SMIM36: variants seen among roughly 807,000 people sequenced by gnomAD.
SMIM36 encodes the protein small integral membrane protein 36.
chr17:55,460,789 C>G (rs570503350), intron 4 of SMIM36, among the ~76,000 whole-genome samples: 1 of 152,002 alleles, frequency 6.6e-6, no homozygotes, highest in South Asian at 2.1e-4. Context: ...ACCCAGGAGG[C>G]GGAGCTTCCA....
At chr17:55,500,942 TATTATAATA>T in intron 1 of SMIM36, among the ~76,000 whole-genome samples, 1 of 21,590 alleles carries the variant, frequency 4.6e-5, no homozygotes, top group Admixed American at 7.6e-4. Context: ...TTATAATATA[TATTATAATA>T]TATTATATTT....
chr17:55,502,087 T>G (rs1158421720), intron 1 of SMIM36, among the ~76,000 whole-genome samples: 7 of 151,406 alleles, frequency 4.6e-5, no homozygotes, highest in South Asian at 4.2e-4. Flanking sequence ...CCACGGAATC[T>G]CGCTGATTGC....
chr17:55,464,054 G>T (rs1045742254), intron 4 of SMIM36, among the ~76,000 whole-genome samples: 5 of 151,868 alleles, frequency 3.3e-5, no homozygotes, highest in Non-Finnish European at 7.4e-5. Context: ...GGCAGAGGTT[G>T]CAGTGATCTG....
chr17:55,498,289 G>A lies in SMIM36; in HGVS notation c.*174+12590C>T, dbSNP rs115768759. 1.2e-3 allele frequency among the ~76,000 whole-genome samples: 181 copies of A among 152,252 alleles called. 1 individual carries two copies. The highest frequency in any genetic ancestry group is 4.3e-3 in the African/African-American group (177 of 41,554). Reference sequence around the variant, plus strand: ...ATTACATCCTGAGGTACAGGGTAAGGACTTCAACATATGAATTCTGGGGGG... The same window carrying A: ...ATTACATCCTGAGGTACAGGGTAAGAACTTCAACATATGAATTCTGGGGGG... On this transcript the variant is annotated intron_variant, in intron 1 of 4. Transcript: ENST00000636752.
the SMIM36 span, among the ~76,000 whole-genome samples, chr17:55,524,221 G>GC: frequency 6.6e-6 from 1 of 152,078 alleles, no homozygotes; most frequent in Admixed American, 6.6e-5. Flanking sequence ...ATGACCTCCA[G>GC]CCCCATCCAT....
intron 3 of SMIM36, among the ~76,000 whole-genome samples, chr17:55,473,901 C>T (rs543037296): frequency 2.0e-5 from 3 of 152,220 alleles, no homozygotes; most frequent in South Asian, 2.1e-4. Flanking sequence ...CAGCCCGGCG[C>T]GTCACCCTGG....
At chr17:55,500,865 A>T (rs1331468356) in intron 1 of SMIM36, among the ~76,000 whole-genome samples, 587 of 47,520 alleles carry the variant, frequency 0.012, 267 homozygotes, top group African/African-American at 0.11. Context: ...AATATATTAT[A>T]ATATATTATA....
chr17:55,486,799 AG>A (rs760287226), intron 1 of SMIM36, among the ~76,000 whole-genome samples: 23 of 152,258 alleles, frequency 1.5e-4, no homozygotes, highest in Non-Finnish European at 2.9e-4. Flanking sequence ...AAATGGAATC[AG>A]ACAAATGAAT....
At chr17:55,474,470 G>A (rs1811857330) in intron 3 of SMIM36, among the ~76,000 whole-genome samples, 1 of 152,212 alleles carries the variant, frequency 6.6e-6, no homozygotes, top group Admixed American at 6.5e-5. Flanking sequence ...GGAAGGAACT[G>A]GCACTTGGAG....
At chr17:55,501,890 A>AGCAGG (rs375941141) in intron 1 of SMIM36, among the ~76,000 whole-genome samples, 21,220 of 107,508 alleles carry the variant, frequency 0.2, 3,847 homozygotes, top group African/African-American at 0.49. Flanking sequence ...CGCGAGCCGA[A>AGCAGG]GCAAGGCATT....
chr17:55,512,795 T>G (rs946077197), upstream of SMIM36, among the ~76,000 whole-genome samples: 1 of 152,222 alleles, frequency 6.6e-6, no homozygotes, highest in African/African-American at 2.4e-5. Flanking sequence ...ATCAGTAGCC[T>G]TTTCTCCAAT....
the SMIM36 span, among the ~76,000 whole-genome samples, chr17:55,530,663 A>G: frequency 6.6e-6 from 1 of 152,054 alleles, no homozygotes; most frequent in East Asian, 1.9e-4. Context: ...GGCGCCTGTA[A>G]TCCCAGCTAC....
rs114717766 is a variant in SMIM36, at chr17:55,452,354, T to C, written c.*532-2056A>G. On this transcript the variant is annotated intron_variant, in intron 4 of 4. Transcript: ENST00000636752. The stretch of plus-strand genomic sequence containing the variant: ...AGTTGACTCCAGGCAGCAGTATGTG[T>C]GTATACACACAGTTTCGTGTATATA... Among the ~76,000 whole-genome samples, 1,256 of 152,308 alleles carry C rather than the reference T, an allele frequency of 8.2e-3. 16 individuals carry two copies. Among genetic ancestry groups the C allele is most frequent in the African/African-American group, 0.029 (1,190 of 41,562 alleles).
intron 3 of SMIM36, among the ~76,000 whole-genome samples, chr17:55,474,380 G>A (rs913308824): frequency 6.6e-6 from 1 of 152,160 alleles, no homozygotes; most frequent in African/African-American, 2.4e-5. Flanking sequence ...TCCCAGGTAG[G>A]CAATTGCCCC....
chr17:55,485,750 C>A (rs1365766762), intron 1 of SMIM36, among the ~76,000 whole-genome samples: 2 of 152,106 alleles, frequency 1.3e-5, no homozygotes, highest in African/African-American at 4.8e-5. Context: ...AATTTAATTC[C>A]ATAAGCCCTG....
At chr17:55,517,245 T>C in the SMIM36 span, among the ~76,000 whole-genome samples, 1 of 151,998 alleles carries the variant, frequency 6.6e-6, no homozygotes, top group African/African-American at 2.4e-5. Flanking sequence ...TGAAATAGGA[T>C]TGAGATACAA....
chr17:55,449,998 T>A (rs1458012476), exon 5 of SMIM36: 2 of 152,232 alleles, frequency 1.3e-5, no homozygotes, highest in Non-Finnish European at 2.9e-5. Flanking sequence ...TTGTAAAATA[T>A]TGAACATGAC....
intron 3 of SMIM36, among the ~76,000 whole-genome samples, chr17:55,476,508 T>C (rs1056231186): frequency 2.6e-5 from 4 of 152,174 alleles, no homozygotes; most frequent in Non-Finnish European, 5.9e-5. Context: ...CGGACACGCA[T>C]AATAGGCCAA....
the SMIM36 span, among the ~76,000 whole-genome samples, chr17:55,519,797 C>T: frequency 0.085 from 12,862 of 152,188 alleles, 788 homozygotes; most frequent in East Asian, 0.22. Flanking sequence ...ATGGACACCA[C>T]GCCAGCTCAG....
Sources: allele counts gnomAD v4.1 joint callset (sites outside exome capture counted in the v4.1 genomes callset), GRCh38; gene constraint gnomAD v4.1.1; transcripts MANE v1.5; gene names NCBI Gene and HGNC (gene_info 2026-07-23, HGNC 2026-07-21).